The following TRIP4 variants were observed in gnomAD, a reference collection of about 807,000 sequenced individuals.
The protein encoded by TRIP4 is thyroid hormone receptor interactor 4, also known as activating signal cointegrator 1.
A neutral mutation model predicts 81.8 loss-of-function variants in TRIP4; 54 were observed. The ratio of observed to expected loss-of-function variants is 0.66; its 90% CI spans 0.53 to 0.83. The LOEUF (loss-of-function observed/expected upper bound fraction) is 0.83, where lower values mean the gene tolerates loss of function less well. TRIP4 is among the 40% of genes least tolerant of loss of function. The pLI, the probability that TRIP4 is intolerant of heterozygous loss-of-function variation, is 0.00. For missense variants in TRIP4, 662 were observed against 683.6 expected (o/e 0.97, Z 0.35); for synonymous variants, 270 against 242.8 (o/e 1.11, Z -1.04).
rs144831811 is a variant in TRIP4 at position 64,414,744 on chromosome 15, C to T, written c.1170+533C>T. Among the ~76,000 whole-genome samples, 368 of 152,052 alleles carry T rather than the reference C, an allele frequency of 2.4e-3. 2 individuals carry two copies. Among genetic ancestry groups the T allele is most frequent in the African/African-American group, 8.6e-3 (355 of 41,478 alleles). ...GTGTTAGCCAGGATGGTCTAGATCTCCTGACCTCGTGATCTACCTGCCTCA... is the reference window on the plus strand; with the variant it reads ...GTGTTAGCCAGGATGGTCTAGATCTTCTGACCTCGTGATCTACCTGCCTCA... On this transcript the variant is annotated intron_variant, in intron 8 of 12. Transcript: ENST00000261884.
chr15:64,450,278 A>G (rs1892725576), intron 12 of TRIP4, among the ~76,000 whole-genome samples: 1 of 151,652 alleles, frequency 6.6e-6, no homozygotes, highest in South Asian at 2.1e-4. Context: ...AGTCCCAGCT[A>G]CTCGGGAGGC....
At chr15:64,414,656 A>G (rs1284194861) in intron 8 of TRIP4, among the ~76,000 whole-genome samples, 1 of 151,250 alleles carries the variant, frequency 6.6e-6, no homozygotes, top group African/African-American at 2.4e-5. Context: ...AGCTGGGACT[A>G]CAGGTGCCCG....
At chr15:64,411,488 A>G (rs1433199331) in intron 7 of TRIP4, among the ~76,000 whole-genome samples, 1 of 151,996 alleles carries the variant, frequency 6.6e-6, no homozygotes, top group African/African-American at 2.4e-5. Context: ...AATAAAGCCT[A>G]AGGCTGGGTG....
intron 10 of TRIP4, among the ~76,000 whole-genome samples, chr15:64,425,186 G>A (rs1048441455): frequency 6.6e-6 from 1 of 151,552 alleles, no homozygotes; most frequent in Non-Finnish European, 1.5e-5. Context: ...ACCTGTAACT[G>A]CCTTACTTTG....
intron 11 of TRIP4, among the ~76,000 whole-genome samples, chr15:64,444,483 C>T (rs1026015964): frequency 6.6e-6 from 1 of 152,216 alleles, no homozygotes; most frequent in Non-Finnish European, 1.5e-5. Flanking sequence ...ATCTGGAAAG[C>T]ATCCAGCAAA....
At chr15:64,435,489 G>A (rs921483143) in intron 11 of TRIP4, among the ~76,000 whole-genome samples, 1 of 145,670 alleles carries the variant, frequency 6.9e-6, no homozygotes, top group African/African-American at 2.5e-5. Flanking sequence ...TCGCGCCACT[G>A]CATTCCAACC....
chr15:64,415,804 A>T (rs1200306359), intron 8 of TRIP4, among the ~76,000 whole-genome samples: 1 of 152,214 alleles, frequency 6.6e-6, no homozygotes, highest in Non-Finnish European at 1.5e-5. Context: ...AGTAAGCAAC[A>T]CCTGATCATG....
intron 1 of TRIP4, 70 bp downstream of exon 1, chr15:64,388,034 G>A: frequency 6.8e-7 from 1 of 1,469,944 alleles, no homozygotes; most frequent in South Asian, 1.3e-5. Flanking sequence ...ACCGGGAAGC[G>A]GGGAGGACTG....
chr15:64,411,366 G>C (rs943452035), intron 7 of TRIP4, among the ~76,000 whole-genome samples: 12 of 152,184 alleles, frequency 7.9e-5, no homozygotes, highest in Admixed American at 7.2e-4. Flanking sequence ...GTACCACTCT[G>C]GTGAGGGATG....
At chr15:64,400,560 G>A (rs958427035) in intron 4 of TRIP4, among the ~76,000 whole-genome samples, 183 bp from the exon 5 acceptor site, 1 of 151,212 alleles carries the variant, frequency 6.6e-6, no homozygotes, top group African/African-American at 2.4e-5. Context: ...AAAAAGAAAT[G>A]GAAAGAGATC....
intron 12 of TRIP4, among the ~76,000 whole-genome samples, chr15:64,453,975 C>T (rs1443361538): frequency 6.6e-6 from 1 of 152,140 alleles, no homozygotes; most frequent in East Asian, 1.9e-4. Context: ...TGGACTAGAA[C>T]CTGGGTCTTC....
chr15:64,449,622 G>A (rs562506101), intron 12 of TRIP4, among the ~76,000 whole-genome samples: 1 of 151,730 alleles, frequency 6.6e-6, no homozygotes, highest in South Asian at 2.1e-4. Flanking sequence ...TTAAATTAAA[G>A]GTGTATACTT....
chr15:64,391,929 CCACTG>C (rs898778772), intron 1 of TRIP4, among the ~76,000 whole-genome samples: 1 of 137,198 alleles, frequency 7.3e-6, no homozygotes, highest in African/African-American at 2.8e-5. Flanking sequence ...CAAGATAGCA[CCACTG>C]CACTCCAGCC....
intron 1 of TRIP4, among the ~76,000 whole-genome samples, chr15:64,389,876 A>G (rs1900069710): frequency 1.3e-5 from 2 of 150,160 alleles, no homozygotes; most frequent in Admixed American, 6.7e-5. Context: ...TAATTTTTGT[A>G]TTCTTACTAG....
intron 3 of TRIP4, among the ~76,000 whole-genome samples, chr15:64,396,548 G>A (rs1200196477): frequency 6.6e-6 from 1 of 152,094 alleles, no homozygotes; most frequent in Non-Finnish European, 1.5e-5. Flanking sequence ...CAAAGTGCTG[G>A]GATTACAGGC....
chr15:64,422,495 A>G (rs1892041323), intron 9 of TRIP4, among the ~76,000 whole-genome samples: 1 of 152,106 alleles, frequency 6.6e-6, no homozygotes, highest in Non-Finnish European at 1.5e-5. Flanking sequence ...TTTGGCTCCT[A>G]ATTGTTTCAT....
intron 12 of TRIP4, 61 bp downstream of exon 12, chr15:64,445,169 A>T: frequency 1.1e-6 from 1 of 876,594 alleles, no homozygotes; most frequent in Non-Finnish European, 1.8e-6. Context: ...ATGGGGAAAA[A>T]AGTAGAACAA....
chr15:64,396,574 C>T (rs1900302046), intron 3 of TRIP4, among the ~76,000 whole-genome samples: 1 of 152,132 alleles, frequency 6.6e-6, no homozygotes, highest in South Asian at 2.1e-4. Context: ...CAACTGTGCC[C>T]AGCCAGTGTC....
intron 12 of TRIP4, among the ~76,000 whole-genome samples, chr15:64,446,344 T>C (rs956378424): frequency 6.6e-6 from 1 of 152,002 alleles, no homozygotes; most frequent in Non-Finnish European, 1.5e-5. Context: ...TTCCCACATT[T>C]CTCTTCATTA....
Sources: gnomAD v4.1 joint callset for allele counts (sites outside exome capture counted in the v4.1 genomes callset) on GRCh38, gnomAD v4.1.1 for gene constraint, MANE v1.5 for transcripts, NCBI Gene and HGNC (gene_info 2026-07-23, HGNC 2026-07-21) for gene names.